The following SLIT3 variants were observed in gnomAD, a reference collection of about 807,000 sequenced individuals.
SLIT3 encodes the protein slit homolog 3 protein.
Under a neutral mutation model 184.0 loss-of-function variants are expected in SLIT3, and 68 were observed. The ratio of observed to expected loss-of-function variants is 0.37; its 90% confidence interval spans 0.30 to 0.45. The LOEUF is 0.45. Among genes scored for constraint, SLIT3 ranks in the 20% least tolerant of loss-of-function variants. SLIT3 has a pLI of 1.00. For missense variants in SLIT3, 1,707 were observed against 2,026.0 expected (o/e 0.84, Z 3.02); for synonymous variants, 831 against 828.6 (o/e 1.00, Z -0.05).
intron 4 of SLIT3, among the ~76,000 whole-genome samples, chr5:169,109,624 C>T (rs1313129161): frequency 6.6e-6 from 1 of 152,148 alleles, no homozygotes; most frequent in African/African-American, 2.4e-5. Context: ...TCACACTTTT[C>T]CCTCTCTCTG....
rs1290697543 is a variant in SLIT3 at position 169,090,713 on chromosome 5, A to C, written c.413+102766T>G. On this transcript the variant is annotated intron_variant, in intron 4 of 35. Coordinates refer to ENST00000519560, the MANE Select transcript of SLIT3 (RefSeq NM_003062.4). ...CTTCATAGACAGACACACAGAAGAAAAGGCAATGTGAAGACAAGACAGAGG... is the reference window on the plus strand; with the variant it reads ...CTTCATAGACAGACACACAGAAGAACAGGCAATGTGAAGACAAGACAGAGG... Among the ~76,000 whole-genome samples the C allele has an allele frequency of 2.6e-5, 4 of 152,356 alleles. No individual in the cohort carries two copies. The East Asian group carries it at 7.7e-4, about 29-fold the overall frequency.
intron 4 of SLIT3, among the ~76,000 whole-genome samples, chr5:169,070,074 G>T (rs1394304928): frequency 6.6e-6 from 1 of 152,186 alleles, no homozygotes; most frequent in Non-Finnish European, 1.5e-5. Context: ...TATTTGGAAG[G>T]TAGGATTGGT....
rs182765355 is a variant in SLIT3 at position 169,141,209 on chromosome 5, C to G, written c.413+52270G>C. Among the ~76,000 whole-genome samples, 387 of 152,182 alleles carry G rather than the reference C, an allele frequency of 2.5e-3. 2 individuals carry two copies. The highest frequency in any genetic ancestry group is 7.2e-3 in the African/African-American group (301 of 41,520). ...GAATTAGGTCTACCCCGACATGACC[C>G]CCAAATCATGGAACTATACACAAAG... On this transcript the variant is annotated intron_variant, in intron 4 of 35. Transcript: ENST00000519560.
At chr5:168,841,783 C>A (rs1758262904) in intron 6 of SLIT3, among the ~76,000 whole-genome samples, 1 of 152,184 alleles carries the variant, frequency 6.6e-6, no homozygotes, top group Admixed American at 6.5e-5. Flanking sequence ...ATACACTTTC[C>A]TTAAGTTAAT....
intron 4 of SLIT3, among the ~76,000 whole-genome samples, chr5:168,961,050 A>G (rs977731506): frequency 2.0e-5 from 3 of 152,140 alleles, no homozygotes; most frequent in African/African-American, 7.2e-5. Flanking sequence ...TGAGGAGTCC[A>G]TGGATAATCT....
At chr5:168,787,856 T>C (rs1159464144) in intron 11 of SLIT3, among the ~76,000 whole-genome samples, 2 of 152,166 alleles carry the variant, frequency 1.3e-5, no homozygotes, top group African/African-American at 2.4e-5. Flanking sequence ...TTGTGTGTGC[T>C]TGTGTTCAAC....
intron 3 of SLIT3, among the ~76,000 whole-genome samples, chr5:169,236,832 T>C (rs562765648): frequency 1.3e-5 from 2 of 152,344 alleles, no homozygotes; most frequent in East Asian, 3.9e-4. Flanking sequence ...AATATTTCTA[T>C]GTATATATTC....
chr5:168,789,769 T>C (rs1756291885), intron 10 of SLIT3, 138 bp from the exon 11 acceptor site: 2 of 667,190 alleles, frequency 3.0e-6, no homozygotes, highest in Non-Finnish European at 2.7e-6. Context: ...TTACTCATAG[T>C]GCAAGAGAAG....
intron 4 of SLIT3, among the ~76,000 whole-genome samples, chr5:169,039,921 C>A (rs1757390856): frequency 6.6e-6 from 1 of 152,194 alleles, no homozygotes; most frequent in African/African-American, 2.4e-5. Flanking sequence ...TCCCTTTTAA[C>A]AAAAGCCAAT....
intron 1 of SLIT3, among the ~76,000 whole-genome samples, chr5:169,295,856 G>C (rs1421743583): frequency 6.6e-6 from 1 of 152,208 alleles, no homozygotes; most frequent in African/African-American, 2.4e-5. Context: ...AATACAAGAA[G>C]AGCAGCAATC....
intron 5 of SLIT3, among the ~76,000 whole-genome samples, chr5:168,856,802 T>TGC (rs1395225143): frequency 6.9e-4 from 99 of 143,184 alleles, no homozygotes; most frequent in African/African-American, 2.4e-3. Context: ...TGTGTGTGTG[T>TGC]GTGTGCGCGC....
At chr5:169,086,393 C>G (rs919040388) in intron 4 of SLIT3, among the ~76,000 whole-genome samples, 4 of 152,208 alleles carry the variant, frequency 2.6e-5, no homozygotes, top group Admixed American at 1.3e-4. Context: ...AGGTATCTAA[C>G]TAGTTAATGC....
chr5:169,181,168 G>A, intron 4 of SLIT3, among the ~76,000 whole-genome samples: 1 of 152,126 alleles, frequency 6.6e-6, no homozygotes, highest in East Asian at 1.9e-4. Flanking sequence ...CCAATAATTT[G>A]AGCTAATTTA....
intron 15 of SLIT3, 119 bp from the exon 16 acceptor site, chr5:168,761,055 T>A (rs1183794256): frequency 1.3e-6 from 1 of 753,732 alleles, no homozygotes; most frequent in Admixed American, 2.1e-5. Context: ...CACAGAGCCA[T>A]CGGAAGCTTT....
chr5:168,832,123 C>T (rs187952973), intron 6 of SLIT3, among the ~76,000 whole-genome samples: 171 of 152,278 alleles, frequency 1.1e-3, no homozygotes, highest in African/African-American at 3.9e-3. Flanking sequence ...TTTAAATGAC[C>T]ATGTGAATGA....
intron 4 of SLIT3, chr5:169,012,097 C>A (rs1428292804): frequency 6.6e-6 from 1 of 152,034 alleles, no homozygotes; most frequent in Non-Finnish European, 1.5e-5. Context: ...TTGATGAAAG[C>A]CATTTTTCGG....
At chr5:169,108,627 G>A (rs1278267065) in intron 4 of SLIT3, among the ~76,000 whole-genome samples, 1 of 152,174 alleles carries the variant, frequency 6.6e-6, no homozygotes, top group Non-Finnish European at 1.5e-5. Context: ...CCATGGCTTG[G>A]TGAAGGACTC....
intron 4 of SLIT3, among the ~76,000 whole-genome samples, chr5:169,116,801 A>C (rs1760682082): frequency 6.6e-6 from 1 of 152,242 alleles, no homozygotes; most frequent in Non-Finnish European, 1.5e-5. Context: ...GTCCTCAAGC[A>C]TGAAGGAGCC....
Position 168,666,034 on chromosome 5 carries a change from A to G in SLIT3, c.*420T>C, listed in dbSNP as rs1236403575. On this transcript the variant is annotated 3_prime_UTR_variant, in exon 36 of 36. Transcript: ENST00000519560. ...GCAGCTCTTGGTCTACTGCCGACAT[A>G]ATACCGTTTCATAAACATGAAAACA... The G allele has an allele frequency of 6.5e-6, 1 of 153,906 alleles. No homozygotes were observed. The highest frequency in any genetic ancestry group is 1.4e-5 in the Non-Finnish European group (1 of 69,292). The allele number at this position is 153,906 out of a possible 1,614,324, so 9.5% of individuals were successfully genotyped here.
Sources: allele counts gnomAD v4.1 joint callset (sites outside exome capture counted in the v4.1 genomes callset), GRCh38; gene constraint gnomAD v4.1.1; transcripts MANE v1.5; gene names NCBI Gene and HGNC (gene_info 2026-07-23, HGNC 2026-07-21).